The following SHOC2 variants were observed in gnomAD, a reference collection of about 807,000 sequenced individuals.
SHOC2 encodes SHOC2 leucine rich repeat scaffold protein, also known as leucine-rich repeat protein SHOC-2.
SHOC2 carries 4 observed loss-of-function variants against 50.2 expected under a neutral mutation model. That is an observed-to-expected ratio of 0.08 (90% CI 0.04 to 0.18). SHOC2 has a LOEUF of 0.18. SHOC2 is among the 10% of genes least tolerant of loss of function. The pLI is 1.00. For synonymous variants in SHOC2, 218 were observed against 244.5 expected, an observed-to-expected ratio of 0.89 and a Z score of 1.01; for missense variants, 388 against 669.6, an observed-to-expected ratio of 0.58 and a Z score of 4.64.
chr10:110,961,254 C>T (rs1308664030), intron 1 of SHOC2, among the ~76,000 whole-genome samples: 2 of 152,072 alleles, frequency 1.3e-5, no homozygotes, highest in East Asian at 3.8e-4. Context: ...GCAAATATAG[C>T]CTTCCCCCAA....
At chr10:110,926,019 C>G (rs895765872) in intron 1 of SHOC2, among the ~76,000 whole-genome samples, 2 of 152,188 alleles carry the variant, frequency 1.3e-5, no homozygotes, top group African/African-American at 4.8e-5. Context: ...CTGGTGTCAT[C>G]GGCTTGGTTA....
At position 110,946,470 on chromosome 10, in the gene SHOC2, A is replaced by C. The variant is rs567828397; in HGVS notation, c.-234-17655A>C. Among the ~76,000 whole-genome samples the C allele has an allele frequency of 4.0e-4, 61 of 151,664 alleles. 1 individual carries two copies. Among genetic ancestry groups the C allele is most frequent in the African/African-American group, 1.5e-3 (60 of 41,236 alleles). On this transcript the variant is annotated intron_variant, in intron 1 of 8. Transcript: ENST00000369452. ...CATAGAGGAGAGGGAGATGATAGAC[A>C]AAATAAATAAGTAAATATATTTTAT...
chr10:110,962,385 T>C (rs1462799277), intron 1 of SHOC2, among the ~76,000 whole-genome samples: 2 of 152,212 alleles, frequency 1.3e-5, no homozygotes, highest in Non-Finnish European at 2.9e-5. Context: ...TACTTTCATA[T>C]TGGCTTATCA....
chr10:110,932,105 A>T (rs1387128474), intron 1 of SHOC2, among the ~76,000 whole-genome samples: 2 of 152,126 alleles, frequency 1.3e-5, no homozygotes, highest in Non-Finnish European at 2.9e-5. Flanking sequence ...AAGAATTGTA[A>T]ATCTGTGTTT....
At chr10:110,975,801 AT>A (rs1475837091) in intron 2 of SHOC2, among the ~76,000 whole-genome samples, 1 of 151,294 alleles carries the variant, frequency 6.6e-6, no homozygotes, top group African/African-American at 2.4e-5. Flanking sequence ...TAAAGTTAAT[AT>A]TTTTTTCTTT....
intron 8 of SHOC2, among the ~76,000 whole-genome samples, chr10:111,010,507 G>A (rs895478162): frequency 1.3e-5 from 2 of 152,054 alleles, no homozygotes; most frequent in African/African-American, 4.8e-5. Context: ...ACAGGGTGGG[G>A]AACATCACAC....
chr10:110,980,155 T>C (rs1019847334), intron 2 of SHOC2, among the ~76,000 whole-genome samples: 2 of 149,196 alleles, frequency 1.3e-5, no homozygotes, highest in Admixed American at 1.3e-4. Context: ...CCCATTCCTG[T>C]CACTTTTTTT....
rs1457296120 is a variant in SHOC2, at chr10:111,004,601, T to A, written c.973-5T>A. ...ATTCTTATGTTTATTTCATTTTTTT[T>A]ACAGAGTCTTTTATCAAGTCTTGTG... is the stretch of plus-strand genomic sequence containing the variant. On this transcript the variant is annotated splice_region_variant and splice_polypyrimidine_tract_variant and intron_variant, in intron 4 of 8. Transcript: ENST00000369452. The A allele has an allele frequency of 1.9e-6, 3 of 1,601,068 alleles. No individual in the cohort carries two copies. The highest frequency in any genetic ancestry group is 2.2e-5 in the East Asian group (1 of 44,812).
Position 110,964,258 on chromosome 10 carries a change from G to C in SHOC2, c.-101G>C. 6.5e-7 allele frequency: 1 copy of C among 1,526,856 alleles called. No individual in the cohort carries two copies. Among genetic ancestry groups the C allele is most frequent in the South Asian group, 1.2e-5 (1 of 80,494 alleles). 94.6% of individuals were successfully genotyped at this position (1,526,856 alleles called of 1,614,324 possible). A position where few individuals can be genotyped will look rare whatever the true frequency, so the allele number is the denominator to read the frequency against. ...CCATGCTGATTACTTCTTCAAGCCA[G>C]TACTTTTTTGATTGTGTAGGATCTT... On this transcript the variant is annotated 5_prime_UTR_variant, in exon 2 of 9. Coordinates refer to ENST00000369452, the MANE Select transcript of SHOC2 (RefSeq NM_007373.4). The surrounding 1 kb of genome is among the most constrained non-coding windows in gnomAD (Gnocchi z 4.9).
At chr10:111,004,134 G>A (rs1477880214) in intron 4 of SHOC2, among the ~76,000 whole-genome samples, 1 of 152,148 alleles carries the variant, frequency 6.6e-6, no homozygotes, top group Non-Finnish European at 1.5e-5. Context: ...GAATCTTTAT[G>A]TTAATCTTAA....
At chr10:110,955,223 A>G (rs1190745762) in intron 1 of SHOC2, among the ~76,000 whole-genome samples, 1 of 152,148 alleles carries the variant, frequency 6.6e-6, no homozygotes, top group Admixed American at 6.6e-5. Flanking sequence ...CAAGAGAGAG[A>G]CGATGAGAGC....
chr10:110,999,808 C>G (rs917840062), intron 3 of SHOC2, among the ~76,000 whole-genome samples: 3 of 146,604 alleles, frequency 2.0e-5, no homozygotes. Context: ...TCGATAATGA[C>G]TATTTTGTGC....
intron 1 of SHOC2, among the ~76,000 whole-genome samples, chr10:110,953,830 A>G (rs1483713505): frequency 6.6e-6 from 1 of 151,706 alleles, no homozygotes. Context: ...TAGAAAAGGA[A>G]ATATACTTTA....
chr10:110,969,843 C>T (rs891745538), intron 2 of SHOC2, among the ~76,000 whole-genome samples: 2 of 151,972 alleles, frequency 1.3e-5, no homozygotes, highest in African/African-American at 4.8e-5. Flanking sequence ...TTTGAGAACC[C>T]ATATCATTTT....
At chr10:110,943,696 C>A (rs1444565477) in intron 1 of SHOC2, among the ~76,000 whole-genome samples, 2 of 152,144 alleles carry the variant, frequency 1.3e-5, no homozygotes, top group African/African-American at 2.4e-5. Context: ...TGCTAACTCA[C>A]TAGAGAACAA....
In SHOC2 at chr10:110,960,347, C is replaced by T. The variant is rs149308612; in HGVS notation, c.-234-3778C>T. The stretch of plus-strand genomic sequence containing the variant: ...CCTTTACAGAAAAAGTTTGCTCACC[C>T]TTGACTTAGAAGCCATTAGAAGCCT... On this transcript the variant is annotated intron_variant, in intron 1 of 8. Coordinates refer to ENST00000369452, the MANE Select transcript of SHOC2 (RefSeq NM_007373.4). 3.6e-3 allele frequency among the ~76,000 whole-genome samples: 553 copies of T among 152,336 alleles called. 4 individuals carry two copies. The highest frequency in any genetic ancestry group is 0.012 in the African/African-American group (512 of 41,572).
chr10:110,977,648 G>A (rs1193640371), intron 2 of SHOC2, among the ~76,000 whole-genome samples: 1 of 152,114 alleles, frequency 6.6e-6, no homozygotes. Flanking sequence ...ACTTTGTTCT[G>A]GCATACAGTT....
intron 1 of SHOC2, among the ~76,000 whole-genome samples, chr10:110,943,426 C>G (rs1191329935): frequency 6.6e-6 from 1 of 152,126 alleles, no homozygotes; most frequent in Non-Finnish European, 1.5e-5. Context: ...TTAAAAACAA[C>G]TTATATCTCT....
At chr10:110,924,711 A>T (rs1347661237) in intron 1 of SHOC2, among the ~76,000 whole-genome samples, 1 of 152,210 alleles carries the variant, frequency 6.6e-6, no homozygotes, top group Non-Finnish European at 1.5e-5. Context: ...AATTAAATAC[A>T]AGGAGAATAT....
Sources: allele counts gnomAD v4.1 joint callset (sites outside exome capture counted in the v4.1 genomes callset), GRCh38; gene constraint gnomAD v4.1.1; non-coding constraint Gnocchi (gnomAD v3.1); transcripts MANE v1.5; gene names NCBI Gene and HGNC (gene_info 2026-07-23, HGNC 2026-07-21).